The following NKAIN3 variants were observed in gnomAD, a reference collection of about 807,000 sequenced individuals.
The protein encoded by NKAIN3 is sodium/potassium-transporting ATPase subunit beta-1-interacting protein 3.
NKAIN3 carries 25 observed loss-of-function variants against 30.2 expected under a neutral mutation model. That is an observed-to-expected ratio of 0.83 (90% CI 0.60 to 1.16). NKAIN3 has a LOEUF of 1.16. NKAIN3 is among the 50% of genes most tolerant of loss of function. The probability of loss-of-function intolerance (pLI) is 0.00; values close to 1 mark genes in which losing one functional copy is unlikely to be tolerated. For missense variants in NKAIN3, 225 were observed against 254.1 expected, an observed-to-expected ratio of 0.89 and a Z score of 0.78; for synonymous variants, 91 against 89.6, an observed-to-expected ratio of 1.02 and a Z score of -0.09.
In NKAIN3 at chr8:62,454,301, C is replaced by CAAAAAAAAA. The variant is rs201511724; in HGVS notation, c.55-125224_55-125216dup. On this transcript the variant is annotated intron_variant, in intron 1 of 6. Transcript: ENST00000623646. Reference sequence around the variant, plus strand: ...ACCAACACTAACAATAGCTGATGTGCAAAAAAAAAAAAAAAAAAAAAATCT... The same window carrying CAAAAAAAAA: ...ACCAACACTAACAATAGCTGATGTGCAAAAAAAAAAAAAAAAAAAAAAAAAAAAAAATCT... 2.0e-3 allele frequency among the ~76,000 whole-genome samples: 114 copies of CAAAAAAAAA among 56,150 alleles called. 5 individuals carry two copies. The highest frequency in any genetic ancestry group is 4.4e-3 in the African/African-American group (78 of 17,806). 36.8% of individuals were successfully genotyped at this position (56,150 alleles called of 152,430 possible).
At chr8:62,759,292 T>C (rs1179095617) in intron 4 of NKAIN3, among the ~76,000 whole-genome samples, 2 of 152,192 alleles carry the variant, frequency 1.3e-5, no homozygotes, top group Non-Finnish European at 2.9e-5. Context: ...ACTTGCTAAA[T>C]TTTAACAATA....
intron 4 of NKAIN3, among the ~76,000 whole-genome samples, chr8:62,854,445 A>G (rs1406706200): frequency 1.3e-5 from 2 of 152,328 alleles, no homozygotes; most frequent in African/African-American, 2.4e-5. Flanking sequence ...CTTTGCCATT[A>G]TGTAATGCCC....
At chr8:62,869,356 T>C (rs1388547029) in intron 4 of NKAIN3, among the ~76,000 whole-genome samples, 1 of 152,124 alleles carries the variant, frequency 6.6e-6, no homozygotes, top group Non-Finnish European at 1.5e-5. Flanking sequence ...CGCAGGTGTG[T>C]GATGTTCCCC....
intron 1 of NKAIN3, among the ~76,000 whole-genome samples, chr8:62,433,600 A>T (rs769989313): frequency 6.6e-6 from 1 of 152,112 alleles, no homozygotes; most frequent in Admixed American, 6.6e-5. Context: ...ACTTTATCAG[A>T]CGGTGGGATT....
At chr8:62,679,212 A>C (rs1813574865) in intron 3 of NKAIN3, among the ~76,000 whole-genome samples, 2 of 152,368 alleles carry the variant, frequency 1.3e-5, no homozygotes, top group South Asian at 4.1e-4. Flanking sequence ...AGTAGATTTG[A>C]GGATTCACTA....
At chr8:62,845,145 G>T (rs1415805795) in intron 4 of NKAIN3, among the ~76,000 whole-genome samples, 2 of 151,346 alleles carry the variant, frequency 1.3e-5, no homozygotes, top group Non-Finnish European at 2.9e-5. Context: ...TTTTTTTAGG[G>T]TTAATATAAA....
chr8:62,253,927 G>A (rs150221924), intron 1 of NKAIN3, among the ~76,000 whole-genome samples: 1 of 152,222 alleles, frequency 6.6e-6, no homozygotes, highest in East Asian at 1.9e-4. Flanking sequence ...CTTCTCCTCT[G>A]CACTATAATT....
chr8:62,738,055 G>C (rs1815733976), intron 3 of NKAIN3, among the ~76,000 whole-genome samples: 1 of 152,048 alleles, frequency 6.6e-6, no homozygotes, highest in Non-Finnish European at 1.5e-5. Context: ...TGGGTCAAAT[G>C]GTATTTCTGG....
At chr8:62,254,153 C>CAT (rs1554659438) in intron 1 of NKAIN3, among the ~76,000 whole-genome samples, 1 of 136,974 alleles carries the variant, frequency 7.3e-6, no homozygotes, top group Non-Finnish European at 1.6e-5. Context: ...GCTTGGGTAT[C>CAT]GTGTGTGTGT....
At chr8:62,914,963 A>C (rs925361094) in intron 4 of NKAIN3, among the ~76,000 whole-genome samples, 1 of 151,574 alleles carries the variant, frequency 6.6e-6, no homozygotes, top group Non-Finnish European at 1.5e-5. Flanking sequence ...TTGCCCCCCC[A>C]CAGGCCCTGG....
chr8:62,915,204 C>T (rs2130854272), intron 4 of NKAIN3, among the ~76,000 whole-genome samples: 1 of 152,294 alleles, frequency 6.6e-6, no homozygotes, highest in East Asian at 1.9e-4. Flanking sequence ...TTTCCACGTC[C>T]TCATCTCTGG....
Position 62,851,256 on chromosome 8 carries a change from TTGTC to T in NKAIN3, c.472-67193_472-67190del, listed in dbSNP as rs1309382253. ...GTTCCCTCATGATTTGGCTCTCTGT[TTGTC>T]TGTTATTGGTGTATAAGAATGCTTC... On this transcript the variant is annotated intron_variant, in intron 4 of 6. Transcript: ENST00000623646. Among the ~76,000 whole-genome samples the T allele has an allele frequency of 5.3e-5, 8 of 152,274 alleles. No individual in the cohort carries two copies. The South Asian group carries it at 1.5e-3, about 28-fold the overall frequency.
rs571481929 is a variant in NKAIN3, at chr8:62,389,211, A to G, written c.54+140084A>G. Among the ~76,000 whole-genome samples the G allele has an allele frequency of 5.9e-5, 9 of 152,358 alleles. No individual in the cohort carries two copies. The South Asian group carries it at 1.7e-3, about 28-fold the overall frequency. ...ATCTAATTTTACTTTTATTAGATAA[A>G]TAATATTTTTGTATATCTATGGGGT... On this transcript the variant is annotated intron_variant, in intron 1 of 6. Coordinates refer to ENST00000623646, the MANE Select transcript of NKAIN3 (RefSeq NM_001304533.3).
chr8:62,302,672 A>C (rs751949469), intron 1 of NKAIN3, among the ~76,000 whole-genome samples: 1 of 151,612 alleles, frequency 6.6e-6, no homozygotes, highest in Non-Finnish European at 1.5e-5. Context: ...CTGCATATAG[A>C]TAAAATCCTA....
intron 4 of NKAIN3, among the ~76,000 whole-genome samples, chr8:62,828,632 CTT>C (rs56357057): frequency 0.6 from 91,600 of 151,664 alleles, 28,440 homozygotes; most frequent in Non-Finnish European, 0.7. Flanking sequence ...AACACCCACT[CTT>C]TGAATCTGTT....
chr8:62,945,520 G>A (rs1823098971), intron 5 of NKAIN3, among the ~76,000 whole-genome samples: 1 of 152,184 alleles, frequency 6.6e-6, no homozygotes, highest in South Asian at 2.1e-4. Flanking sequence ...CCAGATGGCT[G>A]AGATAAATGC....
intron 2 of NKAIN3, among the ~76,000 whole-genome samples, chr8:62,589,404 C>A (rs1810581428): frequency 6.6e-6 from 1 of 151,540 alleles, no homozygotes. Flanking sequence ...AGTTGTGTTC[C>A]CTAGAAAAGA....
At chr8:62,685,102 C>A (rs1484412502) in intron 3 of NKAIN3, among the ~76,000 whole-genome samples, 3 of 152,140 alleles carry the variant, frequency 2.0e-5, no homozygotes, top group Non-Finnish European at 2.9e-5. Flanking sequence ...GTTGTACAGG[C>A]TCTTACCTGC....
intron 4 of NKAIN3, among the ~76,000 whole-genome samples, chr8:62,814,746 AT>A (rs955504464): frequency 6.6e-6 from 1 of 152,114 alleles, no homozygotes; most frequent in African/African-American, 2.4e-5. Flanking sequence ...GTAGAGGGAA[AT>A]TTATAGCACT....
Sources: gnomAD v4.1 joint callset for allele counts (sites outside exome capture counted in the v4.1 genomes callset) on GRCh38, gnomAD v4.1.1 for gene constraint, MANE v1.5 for transcripts, NCBI Gene and HGNC (gene_info 2026-07-23, HGNC 2026-07-21) for gene names.